CEP290: variants seen among roughly 807,000 people sequenced by gnomAD.
CEP290 encodes the protein centrosomal protein 290.
CEP290 carries 317 observed loss-of-function variants against 344.9 expected under a neutral mutation model. The ratio of observed to expected loss-of-function variants is 0.92; its 90% confidence interval spans 0.84 to 1.01. The LOEUF (loss-of-function observed/expected upper bound fraction) is 1.01. CEP290 is among the 50% of genes least tolerant of loss of function. CEP290 has a pLI of 0.00. For missense variants in CEP290, 2,754 were observed against 2,761.4 expected (o/e 1.00, Z 0.06); for synonymous variants, 932 against 895.8 (o/e 1.04, Z -0.72).
intron 6 of CEP290, chr12:88,136,112 A>C (rs2040340752): frequency 6.6e-6 from 1 of 152,224 alleles, no homozygotes; most frequent in African/African-American, 2.4e-5. Context: ...TAAATATGTG[A>C]TTTATAAACT....
At chr12:88,128,790 T>C (rs1237824711) in intron 11 of CEP290, among the ~76,000 whole-genome samples, 156 bp downstream of exon 11, 2 of 152,078 alleles carry the variant, frequency 1.3e-5, no homozygotes, top group African/African-American at 4.8e-5. Context: ...AGGACAGTTC[T>C]AGAGCTTTTC....
chr12:88,106,659 T>C lies in CEP290; in HGVS notation c.2817+16A>G. On this transcript the variant is annotated intron_variant, in intron 25 of 53. Transcript: ENST00000552810. ...TTTTTCATAGTCAGAAAAAGCAAAA[T>C]AAGAATCAGATGTACCTTAAATCTT... 3 of 1,563,840 alleles carry C rather than the reference T, an allele frequency of 1.9e-6. No individual in the cohort carries two copies. The highest frequency in any genetic ancestry group is 4.5e-5 in the East Asian group (2 of 44,314).
chr12:88,111,861 A>C lies in CEP290; in HGVS notation c.2053-3T>G. Reference sequence around the variant, plus strand: ...TCTGCATTCTTTGATTCTATAGCCTAGCAAATTTATATTATATATTAGAAA... The same window carrying C: ...TCTGCATTCTTTGATTCTATAGCCTCGCAAATTTATATTATATATTAGAAA... On this transcript the variant is annotated splice_region_variant and splice_polypyrimidine_tract_variant and intron_variant, in intron 20 of 53. Coordinates refer to ENST00000552810, the MANE Select transcript of CEP290 (RefSeq NM_025114.4). The C allele has an allele frequency of 1.3e-6, 2 of 1,543,918 alleles. No homozygotes were observed. Among genetic ancestry groups the C allele is most frequent in the South Asian group, 2.5e-5 (2 of 79,056 alleles).
intron 41 of CEP290, among the ~76,000 whole-genome samples, chr12:88,075,145 G>A (rs2035666724): frequency 6.6e-6 from 1 of 152,052 alleles, no homozygotes; most frequent in African/African-American, 2.4e-5. Context: ...ACACCCAGTT[G>A]GTGTCTGCTA....
chr12:88,114,375 C>T (rs1201549861), intron 20 of CEP290, 45 bp downstream of exon 20: 1 of 1,472,498 alleles, frequency 6.8e-7, no homozygotes, highest in African/African-American at 1.4e-5. Context: ...GAAAATCTCT[C>T]TAAAGTGATA....
At chr12:88,110,486 G>A (rs962955669) in intron 22 of CEP290, among the ~76,000 whole-genome samples, 3 of 152,104 alleles carry the variant, frequency 2.0e-5, no homozygotes, top group South Asian at 4.2e-4. Context: ...CAAGGCAGGC[G>A]AATCACTTGA....
intron 49 of CEP290, among the ~76,000 whole-genome samples, chr12:88,057,501 A>G (rs1019196910): frequency 1.3e-5 from 2 of 152,222 alleles, no homozygotes; most frequent in African/African-American, 4.8e-5. Flanking sequence ...CTAGGGTCCA[A>G]TAAGACAGTA....
Position 88,084,692 on chromosome 12 carries a change from T to G in CEP290, c.4598A>C (p.His1533Pro). ...GRKEMEPKSH[H>P]TLKIAHQTIA... is the part of the protein sequence containing the mutation. ...GGTTTGATGAGCAATTTTCAATGTG[T>G]GGTGAGATTTTGGTTCCATCTCTTT... Residue 1533 changes from histidine to proline, a missense_variant, in exon 35 of 54, where the codon CAC (histidine) becomes CCC (proline). By Grantham distance (77) the His-to-Pro change is moderately conservative. Coordinates refer to ENST00000552810, the MANE Select transcript of CEP290 (RefSeq NM_025114.4). 11 of 1,613,782 alleles carry G rather than the reference T, an allele frequency of 6.8e-6. No homozygotes were observed. Among genetic ancestry groups the G allele is most frequent in the Non-Finnish European group, 9.3e-6 (11 of 1,179,710 alleles).
chr12:88,112,553 A>G (rs2038767251), intron 20 of CEP290, among the ~76,000 whole-genome samples: 1 of 152,154 alleles, frequency 6.6e-6, no homozygotes, highest in African/African-American at 2.4e-5. Context: ...ATATCTAAGT[A>G]TATACACACA....
chr12:88,080,546 C>T (rs2036126767), intron 37 of CEP290, among the ~76,000 whole-genome samples, 151 bp from the exon 38 acceptor site: 1 of 152,136 alleles, frequency 6.6e-6, no homozygotes, highest in Non-Finnish European at 1.5e-5. Context: ...TTTTTTGCCT[C>T]AACTTCCTGA....
chr12:88,120,055 T>A (rs1487495249), intron 15 of CEP290, 59 bp downstream of exon 15: 2 of 1,116,310 alleles, frequency 1.8e-6, no homozygotes, highest in South Asian at 2.2e-5. Flanking sequence ...AAATTTAAAT[T>A]AAAAAAAAAG....
At chr12:88,139,676 C>CT in intron 3 of CEP290, 112 bp from the exon 4 acceptor site, 25 of 738,734 alleles carry the variant, frequency 3.4e-5, no homozygotes, top group South Asian at 8.8e-5. Context: ...ATGGCTGGCA[C>CT]ATGGAGACGT....
At chr12:88,062,025 C>T (rs138300126) in intron 46 of CEP290, among the ~76,000 whole-genome samples, 2,420 of 152,186 alleles carry the variant, frequency 0.016, 26 homozygotes, top group East Asian at 0.023. Context: ...GTGATCTGCC[C>T]GCCTCGGCCT....
intron 50 of CEP290, among the ~76,000 whole-genome samples, chr12:88,054,943 T>C (rs897790418): frequency 4.6e-5 from 7 of 152,058 alleles, no homozygotes; most frequent in Non-Finnish European, 1.0e-4. Context: ...CGAGTTTGGA[T>C]TGTTTAAAGT....
At chr12:88,095,588 T>C (rs937267208) in intron 27 of CEP290, among the ~76,000 whole-genome samples, 2 of 152,222 alleles carry the variant, frequency 1.3e-5, no homozygotes, top group African/African-American at 4.8e-5. Context: ...TCAATTCATA[T>C]TTAATCTCTT....
At chr12:88,122,738 C>A (rs1043042049) in intron 13 of CEP290, among the ~76,000 whole-genome samples, 4 of 152,096 alleles carry the variant, frequency 2.6e-5, no homozygotes, top group African/African-American at 9.6e-5. Context: ...CCTTTTAAAG[C>A]AGTTTAAACT....
intron 44 of CEP290, among the ~76,000 whole-genome samples, chr12:88,064,408 G>T (rs2136823095): frequency 6.6e-6 from 1 of 152,154 alleles, no homozygotes; most frequent in Non-Finnish European, 1.5e-5. Context: ...CTGATCTATG[G>T]TGGTTTTACT....
intron 18 of CEP290, 84 bp from the exon 19 acceptor site, chr12:88,115,266 C>A: frequency 1.3e-6 from 1 of 798,766 alleles, no homozygotes; most frequent in East Asian, 2.9e-5. Flanking sequence ...AAAGTTTGAT[C>A]AATTAAGTAT....
Position 88,050,411 on chromosome 12 carries a change from T to A in CEP290, c.7152A>T (p.Lys2384Asn). 6.4e-7 allele frequency: 1 copy of A among 1,561,512 alleles called. No homozygotes were observed. Among genetic ancestry groups the A allele is most frequent in the African/African-American group, 1.4e-5 (1 of 73,398 alleles). The stretch of plus-strand genomic sequence containing the variant: ...TGAGCTGTGTCTCTAGATCTTTTAT[T>A]TTTTCCTTTAGTTGATCAGCATCTG... ...TIPDADQLKEKIKDLETQLKM... is the reference protein window; with the variant it reads ...TIPDADQLKENIKDLETQLKM... Residue 2384 changes from lysine to asparagine, a missense_variant, in exon 53 of 54, where the codon AAA becomes AAT. Coordinates refer to ENST00000552810, the MANE Select transcript of CEP290 (RefSeq NM_025114.4).
Sources: gnomAD v4.1 joint callset for allele counts (sites outside exome capture counted in the v4.1 genomes callset) on GRCh38, gnomAD v4.1.1 for gene constraint, MANE v1.5 for transcripts, NCBI Gene and HGNC (gene_info 2026-07-23, HGNC 2026-07-21) for gene names.